Variants in CSNK1G1 observed in about 807,000 individuals in gnomAD.
CSNK1G1 encodes casein kinase 1 gamma 1.
A neutral mutation model predicts 59.6 loss-of-function variants in CSNK1G1; 22 were observed. That is an observed-to-expected ratio of 0.37 (90% confidence interval 0.26 to 0.53). The LOEUF (loss-of-function observed/expected upper bound fraction) is 0.53. Ranked by LOEUF, CSNK1G1 falls within the 20% of genes least tolerant of loss-of-function variation. The pLI is 0.89. For missense variants in CSNK1G1, 384 were observed against 519.5 expected (o/e 0.74, Z 2.54); for synonymous variants, 179 against 177.1 (o/e 1.01, Z -0.08).
intron 1 of CSNK1G1, among the ~76,000 whole-genome samples, chr15:64,317,174 C>T (rs959329715): frequency 1.2e-4 from 18 of 152,108 alleles, no homozygotes; most frequent in Admixed American, 2.0e-4. Context: ...CTGCAACCTC[C>T]GCCTCCCAGG....
At chr15:64,184,085 C>T (rs369516684) in intron 10 of CSNK1G1, among the ~76,000 whole-genome samples, 18 of 152,040 alleles carry the variant, frequency 1.2e-4, no homozygotes, top group African/African-American at 2.9e-4. Context: ...GGGCGGATCA[C>T]GAGGTCAGGA....
In CSNK1G1 at chr15:64,170,863, G is replaced by A. The variant is rs570907289; in HGVS notation, c.*1068C>T. The stretch of plus-strand genomic sequence containing the variant: ...CTCATCTCATGTTCTGGAGAGCTAG[G>A]TTTTCAAACTGTAAGCTGATTAGGT... On this transcript the variant is annotated 3_prime_UTR_variant, in exon 12 of 12. Transcript: ENST00000303052. The A allele has an allele frequency of 6.5e-6, 1 of 152,690 alleles. No homozygotes were observed. The highest frequency in any genetic ancestry group is 2.1e-4 in the South Asian group (1 of 4,826). 9.5% of individuals were successfully genotyped at this position (152,690 alleles called of 1,614,324 possible).
intron 2 of CSNK1G1, among the ~76,000 whole-genome samples, chr15:64,268,865 T>C (rs544915967): frequency 6.6e-6 from 1 of 152,168 alleles, no homozygotes; most frequent in East Asian, 1.9e-4. Flanking sequence ...ATACAAATTA[T>C]TGTAAAATTA....
At chr15:64,237,971 T>C (rs1401266654) in intron 4 of CSNK1G1, among the ~76,000 whole-genome samples, 4 of 152,198 alleles carry the variant, frequency 2.6e-5, no homozygotes, top group Admixed American at 1.3e-4. Context: ...CTCAGTTGTA[T>C]ACATGGCACA....
intron 1 of CSNK1G1, among the ~76,000 whole-genome samples, chr15:64,301,334 A>C (rs1197358641): frequency 6.7e-6 from 1 of 150,178 alleles, no homozygotes; most frequent in Non-Finnish European, 1.5e-5. Context: ...TGCCAAAAAG[A>C]GATCCTTTGC....
intron 4 of CSNK1G1, among the ~76,000 whole-genome samples, chr15:64,238,900 A>T (rs2082657405): frequency 6.6e-6 from 1 of 152,136 alleles, no homozygotes. Context: ...AGATACCAAG[A>T]GTCTCCCCAT....
chr15:64,238,880 A>C (rs951478325), intron 4 of CSNK1G1, among the ~76,000 whole-genome samples: 1 of 152,008 alleles, frequency 6.6e-6, no homozygotes, highest in African/African-American at 2.4e-5. Flanking sequence ...GGCTGCTTGT[A>C]GGCTATGTCA....
chr15:64,179,418 T>A (rs2081781991), intron 11 of CSNK1G1, among the ~76,000 whole-genome samples: 1 of 151,586 alleles, frequency 6.6e-6, no homozygotes, highest in Non-Finnish European at 1.5e-5. Context: ...TGGGGGCTCA[T>A]GAGACTACTT....
At position 64,274,827 on chromosome 15, in the gene CSNK1G1, CTGTT is replaced by C. The variant is rs528849911; in HGVS notation, c.182-15590_182-15587del. On this transcript the variant is annotated intron_variant, in intron 2 of 11. Coordinates refer to ENST00000303052, the MANE Select transcript of CSNK1G1 (RefSeq NM_022048.5). ...CCATACTGATAAAGGAACATACAGT[CTGTT>C]TAGTTAGAGCTCCAGCTGTCACATT... Among the ~76,000 whole-genome samples the C allele has an allele frequency of 2.4e-3, 366 of 152,266 alleles. 3 individuals are homozygous for C. Among genetic ancestry groups the C allele is most frequent in the Non-Finnish European group, 3.2e-3 (216 of 68,020 alleles).
intron 2 of CSNK1G1, among the ~76,000 whole-genome samples, chr15:64,279,323 T>C (rs1893994064): frequency 6.6e-6 from 1 of 152,248 alleles, no homozygotes; most frequent in African/African-American, 2.4e-5. Flanking sequence ...CTGTTTTGAC[T>C]GCTATTGTAG....
intron 11 of CSNK1G1, among the ~76,000 whole-genome samples, chr15:64,178,438 T>C (rs1202890612): frequency 6.6e-6 from 1 of 151,914 alleles, no homozygotes; most frequent in Non-Finnish European, 1.5e-5. Context: ...TTTTGATGTA[T>C]TGGGTAGGAA....
chr15:64,184,119 C>T (rs1018938376), intron 10 of CSNK1G1, among the ~76,000 whole-genome samples: 3 of 151,760 alleles, frequency 2.0e-5, no homozygotes, highest in Admixed American at 1.3e-4. Context: ...CTGACTAACA[C>T]GGTGAAACTC....
intron 6 of CSNK1G1, among the ~76,000 whole-genome samples, chr15:64,208,256 A>C (rs951717821): frequency 1.3e-5 from 2 of 152,166 alleles, no homozygotes; most frequent in Non-Finnish European, 2.9e-5. Flanking sequence ...CCAGCTACTT[A>C]AGAGGCTGAC....
intron 9 of CSNK1G1, 149 bp downstream of exon 9, chr15:64,204,292 G>GA: frequency 1.7e-6 from 1 of 596,620 alleles, no homozygotes; most frequent in Non-Finnish European, 2.6e-6. Context: ...GCAACACCCA[G>GA]ACAAGGCTAG....
At chr15:64,349,124 C>T (rs1047636906) in intron 1 of CSNK1G1, among the ~76,000 whole-genome samples, 9 of 140,262 alleles carry the variant, frequency 6.4e-5, no homozygotes, top group Non-Finnish European at 6.1e-5. Context: ...GCAACGAGAG[C>T]GAAACTCCAC....
At chr15:64,299,591 CAA>C (rs971199917) in intron 2 of CSNK1G1, among the ~76,000 whole-genome samples, 2 of 139,772 alleles carry the variant, frequency 1.4e-5, no homozygotes, top group Non-Finnish European at 3.1e-5. Flanking sequence ...GACTCCATCT[CAA>C]AAAAAAAAAA....
rs1036659447 is a variant in CSNK1G1 at position 64,176,998 on chromosome 15, C to G, written c.1214+3350G>C. Among the ~76,000 whole-genome samples the G allele has an allele frequency of 2.0e-5, 3 of 152,146 alleles. No homozygotes were observed. Among genetic ancestry groups the G allele is most frequent in the Non-Finnish European group, 2.9e-5 (2 of 68,022 alleles). On this transcript the variant is annotated intron_variant, in intron 11 of 11. Coordinates refer to ENST00000303052, the MANE Select transcript of CSNK1G1 (RefSeq NM_022048.5). This position sits in a 1 kb window ranked among gnomAD's most constrained non-coding sequence, Gnocchi z 5.2. ...ATAACCAAAAATTCCTGTATTCTTA[C>G]TGTAACAAAAATCAACCAAAAAGCT...
rs1212005568 is a variant in CSNK1G1, at chr15:64,238,518, AAT to A, written c.292+12992_292+12993del. Among the ~76,000 whole-genome samples, 177 of 49,234 alleles carry A rather than the reference AAT, an allele frequency of 3.6e-3. 3 individuals carry two copies. Among genetic ancestry groups the A allele is most frequent in the Middle Eastern group, 0.014 (1 of 74 alleles). The allele number at this position is 49,234 out of a possible 152,430, so 32.3% of individuals were successfully genotyped here. On this transcript the variant is annotated intron_variant, in intron 4 of 11. Coordinates refer to ENST00000303052, the MANE Select transcript of CSNK1G1 (RefSeq NM_022048.5). ...TTAAAAAAAAAAAAAAAAAAAAAAAAATATATATATATATATATATATATATG... is the reference window on the plus strand; with the variant it reads ...TTAAAAAAAAAAAAAAAAAAAAAAAAATATATATATATATATATATATATG...
At chr15:64,306,670 A>T (rs1250755407) in intron 1 of CSNK1G1, among the ~76,000 whole-genome samples, 2 of 152,152 alleles carry the variant, frequency 1.3e-5, no homozygotes, top group Admixed American at 1.3e-4. Context: ...CCACACAAAA[A>T]CCACCACCTA....
Sources: gnomAD v4.1 joint callset for allele counts (sites outside exome capture counted in the v4.1 genomes callset) on GRCh38, gnomAD v4.1.1 for gene constraint, Gnocchi (gnomAD v3.1) non-coding constraint, MANE v1.5 for transcripts, NCBI Gene and HGNC (gene_info 2026-07-23, HGNC 2026-07-21) for gene names.